Variants in TRPM3 observed in about 807,000 individuals in gnomAD.
TRPM3 encodes long transient receptor potential channel 3.
In TRPM3, 77 loss-of-function variants were observed where a neutral mutation model predicts 181.2. The ratio of observed to expected loss-of-function variants is 0.42; its 90% CI spans 0.35 to 0.51. TRPM3 has a LOEUF of 0.51. Ranked by LOEUF, TRPM3 falls within the 20% of genes least tolerant of loss-of-function variation. The pLI is 0.01. For synonymous variants in TRPM3, 745 were observed against 796.4 expected, an observed-to-expected ratio of 0.94 and a Z score of 1.09; for missense variants, 1,759 against 2,196.7, an observed-to-expected ratio of 0.80 and a Z score of 3.98.
chr9:70,586,082 C>G (rs1355660437), intron 22 of TRPM3, among the ~76,000 whole-genome samples: 1 of 152,200 alleles, frequency 6.6e-6, no homozygotes, highest in Non-Finnish European at 1.5e-5. Flanking sequence ...TATCGAGCGG[C>G]TCAGCTCAAC....
chr9:71,324,488 A>C (rs2089499570), intron 1 of TRPM3, among the ~76,000 whole-genome samples: 1 of 152,054 alleles, frequency 6.6e-6, no homozygotes, highest in Admixed American at 6.6e-5. Context: ...AAGGATGCAG[A>C]GAAAAGGGAA....
intron 1 of TRPM3, among the ~76,000 whole-genome samples, chr9:71,133,091 G>T (rs1260260616): frequency 6.6e-6 from 1 of 152,018 alleles, no homozygotes; most frequent in Non-Finnish European, 1.5e-5. Context: ...CTATCCAGTA[G>T]TGTTGAACCA....
In TRPM3 at chr9:70,535,716, C is replaced by T. The variant is rs907098395; in HGVS notation, c.*237G>A. On this transcript the variant is annotated 3_prime_UTR_variant, in exon 26 of 26. Transcript: ENST00000677713. ...CCTTCCTTCTCCCTCTCTTCCCCCT[C>T]CCTGCCCAGCAAGTGTGAACATGCC... The T allele has an allele frequency of 1.4e-6, 2 of 1,436,614 alleles. No individual in the cohort carries two copies. Among genetic ancestry groups the T allele is most frequent in the African/African-American group, 2.9e-5 (2 of 69,750 alleles). The allele number at this position is 1,436,614 out of a possible 1,614,324, so 89.0% of individuals were successfully genotyped here. A position where few individuals can be genotyped will look rare whatever the true frequency, so the allele number is the denominator to read the frequency against.
At chr9:71,130,423 T>C (rs1416981709) in intron 1 of TRPM3, among the ~76,000 whole-genome samples, 1 of 152,172 alleles carries the variant, frequency 6.6e-6, no homozygotes, top group Non-Finnish European at 1.5e-5. Flanking sequence ...ATGCCTGTTA[T>C]AGTAAGTACA....
At chr9:71,437,128 T>C (rs2131641525) in intron 1 of TRPM3, among the ~76,000 whole-genome samples, 1 of 152,334 alleles carries the variant, frequency 6.6e-6, no homozygotes, top group South Asian at 2.1e-4. Context: ...AGCTCAACTT[T>C]TTAAAAACTG....
intron 1 of TRPM3, among the ~76,000 whole-genome samples, chr9:71,059,010 C>CCTTTTTT (rs1491270019): frequency 6.3e-5 from 1 of 15,930 alleles, no homozygotes; most frequent in Admixed American, 7.2e-4. Flanking sequence ...TTTGTTTGTT[C>CCTTTTTT]ATTTTTTTTT....
chr9:70,951,757 GTT>G (rs1199148200), intron 1 of TRPM3, among the ~76,000 whole-genome samples: 1 of 152,184 alleles, frequency 6.6e-6, no homozygotes, highest in Non-Finnish European at 1.5e-5. Flanking sequence ...AAATGCTTGA[GTT>G]TCTGTACTAA....
chr9:71,420,747 A>G lies in TRPM3; in HGVS notation c.183+25906T>C, dbSNP rs12377143. 5.6e-3 allele frequency among the ~76,000 whole-genome samples: 471 copies of G among 83,848 alleles called. 2 individuals carry two copies. Among genetic ancestry groups the G allele is most frequent in the South Asian group, 0.012 (25 of 2,166 alleles). The allele number at this position is 83,848 out of a possible 152,430, so 55.0% of individuals were successfully genotyped here. On this transcript the variant is annotated intron_variant, in intron 1 of 24. Coordinates refer to the TRPM3 transcript ENST00000357533. ...AGAGAGAGAGAGAGAAAGAGAGAGAAAGAGAGAGAAAGAGAGAGAAAGAGA... is the reference window on the plus strand; with the variant it reads ...AGAGAGAGAGAGAGAAAGAGAGAGAGAGAGAGAGAAAGAGAGAGAAAGAGA...
At chr9:71,019,554 A>G (rs1216715865) in intron 1 of TRPM3, among the ~76,000 whole-genome samples, 1 of 152,158 alleles carries the variant, frequency 6.6e-6, no homozygotes, top group Non-Finnish European at 1.5e-5. Context: ...GAAAAATACA[A>G]AAATATTGAC....
intron 1 of TRPM3, among the ~76,000 whole-genome samples, chr9:71,086,954 A>G (rs2065374101): frequency 6.6e-6 from 1 of 151,966 alleles, no homozygotes; most frequent in Admixed American, 6.6e-5. Flanking sequence ...AGAAGATGAG[A>G]ATTATGCCTG....
intron 1 of TRPM3, among the ~76,000 whole-genome samples, chr9:71,339,024 C>G (rs11795242): frequency 0.034 from 5,211 of 152,046 alleles, 151 homozygotes; most frequent in Middle Eastern, 0.085. Context: ...GATAATGTAG[C>G]AGATATAAAC....
chr9:71,325,642 G>A (rs2089622015), intron 1 of TRPM3, among the ~76,000 whole-genome samples: 1 of 152,058 alleles, frequency 6.6e-6, no homozygotes, highest in African/African-American at 2.4e-5. Flanking sequence ...GCAGGAAGAA[G>A]GAATGAAGGC....
chr9:70,655,508 A>C (rs1235081561), intron 9 of TRPM3, among the ~76,000 whole-genome samples: 1 of 152,042 alleles, frequency 6.6e-6, no homozygotes, highest in African/African-American at 2.4e-5. Flanking sequence ...GTTTGGCTCC[A>C]ACAGGTTTTT....
At chr9:71,418,608 C>T (rs1416150946) in intron 1 of TRPM3, among the ~76,000 whole-genome samples, 1 of 151,504 alleles carries the variant, frequency 6.6e-6, no homozygotes, top group African/African-American at 2.4e-5. Context: ...AGGTCCTGAG[C>T]AGTCAGGAAA....
intron 7 of TRPM3, chr9:70,774,786 C>A (rs1053308525): frequency 6.6e-6 from 1 of 152,110 alleles, no homozygotes; most frequent in Non-Finnish European, 1.5e-5. Context: ...CATGGAATAT[C>A]CCAAGAAAAC....
intron 22 of TRPM3, among the ~76,000 whole-genome samples, chr9:70,580,915 C>T (rs764278998): frequency 6.6e-6 from 1 of 152,194 alleles, no homozygotes; most frequent in African/African-American, 2.4e-5. Flanking sequence ...CAGTCTTCTT[C>T]AGCAACTTCC....
At chr9:70,844,651 AT>A (rs1427220166) in intron 4 of TRPM3, among the ~76,000 whole-genome samples, 1 of 152,202 alleles carries the variant, frequency 6.6e-6, no homozygotes, top group African/African-American at 2.4e-5. Context: ...TTAACATTTT[AT>A]TGTTAAGAAC....
At chr9:71,267,656 A>G (rs541629445) in intron 1 of TRPM3, among the ~76,000 whole-genome samples, 23 of 152,324 alleles carry the variant, frequency 1.5e-4, no homozygotes, top group African/African-American at 5.3e-4. Flanking sequence ...TTTTTGAGTG[A>G]TTATTATACA....
At chr9:71,074,507 C>G (rs1443090823) in intron 1 of TRPM3, among the ~76,000 whole-genome samples, 1 of 152,186 alleles carries the variant, frequency 6.6e-6, no homozygotes, top group Non-Finnish European at 1.5e-5. Flanking sequence ...ATCCTGCTCT[C>G]TCTTTAGCGA....
Sources: allele counts gnomAD v4.1 joint callset (sites outside exome capture counted in the v4.1 genomes callset), GRCh38; gene constraint gnomAD v4.1.1; transcripts MANE v1.5; gene names NCBI Gene and HGNC (gene_info 2026-07-23, HGNC 2026-07-21).